Variants in FBXO22 observed in about 807,000 individuals in gnomAD.
FBXO22 encodes the protein F-box protein 22.
FBXO22 carries 13 observed loss-of-function variants against 37.2 expected under a neutral mutation model. The observed-to-expected ratio is 0.35, with a 90% CI of 0.23 to 0.56. FBXO22 has a LOEUF of 0.56. Among genes scored for constraint, FBXO22 ranks in the 20% least tolerant of loss-of-function variants. The pLI, the probability that FBXO22 is intolerant of heterozygous loss-of-function variation, is 0.87. For synonymous variants in FBXO22, 189 were observed against 189.1 expected (o/e 1.00, Z 0.00); for missense variants, 446 against 509.9 (o/e 0.87, Z 1.21).
At chr15:75,926,654 C>A (rs113692448) in intron 5 of FBXO22, among the ~76,000 whole-genome samples, 1 of 152,044 alleles carries the variant, frequency 6.6e-6, no homozygotes. Flanking sequence ...AGGGCGTATC[C>A]GGGAAAAACA....
rs573933261 is a variant in FBXO22 at position 75,912,914 on chromosome 15, T to G, written c.280-289T>G. ...CCTGTGTGCATTTAGTGCTATAAAT[T>G]TCCCTGTAAACACTGCTTTAGCTGT... is the stretch of plus-strand genomic sequence containing the variant. On this transcript the variant is annotated intron_variant, in intron 2 of 6. Coordinates refer to ENST00000308275, the MANE Select transcript of FBXO22 (RefSeq NM_147188.3). Among the ~76,000 whole-genome samples, 17 of 152,346 alleles carry G rather than the reference T, an allele frequency of 1.1e-4. No individual in the cohort carries two copies. The South Asian group carries it at 3.5e-3, about 32-fold the overall frequency.
In FBXO22 at chr15:75,938,257, T is replaced by C. The variant is rs1251683566; in HGVS notation, c.*5155T>C. 1 of 151,944 alleles carries C rather than the reference T, an allele frequency of 6.6e-6. No homozygotes were observed. The allele number at this position is 151,944 out of a possible 1,614,324, so 9.4% of individuals were successfully genotyped here. A position where few individuals can be genotyped will look rare whatever the true frequency, so the allele number is the denominator to read the frequency against. On this transcript the variant is annotated 3_prime_UTR_variant, in exon 7 of 7. Coordinates refer to ENST00000308275, the MANE Select transcript of FBXO22 (RefSeq NM_147188.3). ...TTTATAAAAATAATTTGGAAAACTC[T>C]CAAAACAAATGGATGACAGCTTTTA...
At chr15:75,909,314 A>G (rs1436803964) in intron 2 of FBXO22, among the ~76,000 whole-genome samples, 2 of 152,204 alleles carry the variant, frequency 1.3e-5, no homozygotes, top group Non-Finnish European at 2.9e-5. Context: ...AGGTGTCTCT[A>G]GAGGGAAACA....
rs1027776734 is a variant in FBXO22 at position 75,935,121 on chromosome 15, A to AAGTC, written c.*2021_*2024dup. The AAGTC allele has an allele frequency of 2.0e-5, 3 of 152,198 alleles. No homozygotes were observed. The highest frequency in any genetic ancestry group is 4.8e-5 in the African/African-American group (2 of 41,448). 9.4% of individuals were successfully genotyped at this position (152,198 alleles called of 1,614,324 possible). On this transcript the variant is annotated 3_prime_UTR_variant, in exon 7 of 7. Coordinates refer to ENST00000308275, the MANE Select transcript of FBXO22 (RefSeq NM_147188.3). ...ACAATAGTAGTATTGATAAGAACAA[A>AAGTC]AGTCATCCTCCCTGCCTCTCAGAGG...
At position 75,925,994 on chromosome 15, in the gene FBXO22, T is replaced by A. The variant is rs1256599858; in HGVS notation, c.629-3890T>A. 2.0e-5 allele frequency among the ~76,000 whole-genome samples: 3 copies of A among 152,226 alleles called. No homozygotes were observed. The East Asian group carries it at 5.8e-4, about 29-fold the overall frequency. ...TAGTTAACTTGATTATAGTTGCCAA[T>A]CCTACATGGCAGGTCAGTTTATCCT... is the stretch of plus-strand genomic sequence containing the variant. On this transcript the variant is annotated intron_variant, in intron 5 of 6. Transcript: ENST00000308275.
At chr15:75,927,108 C>G (rs115828439) in intron 5 of FBXO22, among the ~76,000 whole-genome samples, 2 of 151,992 alleles carry the variant, frequency 1.3e-5, no homozygotes, top group Non-Finnish European at 2.9e-5. Context: ...CTTTCCTGGT[C>G]GGGGGGAGGG....
At chr15:75,905,308 C>T (rs533962949) in intron 2 of FBXO22, among the ~76,000 whole-genome samples, 1 of 152,300 alleles carries the variant, frequency 6.6e-6, no homozygotes, top group Admixed American at 6.5e-5. Context: ...AATATTTCAA[C>T]TTCTGATCCT....
intron 5 of FBXO22, among the ~76,000 whole-genome samples, chr15:75,918,238 A>G (rs1404548041): frequency 1.3e-5 from 2 of 152,136 alleles, no homozygotes; most frequent in Non-Finnish European, 2.9e-5. Context: ...TGTAGCAGCA[A>G]AGGTAAAATT....
intron 1 of FBXO22, 22 bp downstream of exon 1, chr15:75,904,125 G>C (rs1359121360): frequency 6.6e-7 from 1 of 1,526,052 alleles, no homozygotes; most frequent in South Asian, 1.2e-5. Context: ...AGGCGGAGGC[G>C]GGAAGCTTGC....
chr15:75,933,766 G>A lies in FBXO22; in HGVS notation c.*664G>A. On this transcript the variant is annotated 3_prime_UTR_variant, in exon 7 of 7. Coordinates refer to ENST00000308275, the MANE Select transcript of FBXO22 (RefSeq NM_147188.3). ...GGTCTAAATAGCTAACTAACTGGTA[G>A]ACCAGAGTATTACATCATCTTATTT... The A allele has an allele frequency of 3.3e-6, 1 of 307,690 alleles. No homozygotes were observed. The highest frequency in any genetic ancestry group is 2.7e-5 in the South Asian group (1 of 36,826). 19.1% of individuals were successfully genotyped at this position (307,690 alleles called of 1,614,324 possible).
At chr15:75,912,935 G>T (rs556458472) in intron 2 of FBXO22, among the ~76,000 whole-genome samples, 2 of 152,238 alleles carry the variant, frequency 1.3e-5, no homozygotes, top group Admixed American at 1.3e-4. Flanking sequence ...CACTGCTTTA[G>T]CTGTGTCCCA....
chr15:75,922,182 A>G (rs1009649095), intron 5 of FBXO22, among the ~76,000 whole-genome samples: 1 of 152,240 alleles, frequency 6.6e-6, no homozygotes, highest in African/African-American at 2.4e-5. Context: ...ATCACCACAG[A>G]CATTTGAGTA....
At position 75,937,107 on chromosome 15, in the gene FBXO22, CT is replaced by C. The variant is rs2030420512; in HGVS notation, c.*4007del. 6.6e-6 allele frequency: 1 copy of C among 151,580 alleles called. No homozygotes were observed. The highest frequency in any genetic ancestry group is 2.4e-5 in the African/African-American group (1 of 41,216). 9.4% of individuals were successfully genotyped at this position (151,580 alleles called of 1,614,324 possible). A position where few individuals can be genotyped will look rare whatever the true frequency, so the allele number is the denominator to read the frequency against. On this transcript the variant is annotated 3_prime_UTR_variant, in exon 7 of 7. Transcript: ENST00000308275. ...TTAATAAACATACTCTATTCAAGGT[CT>C]TGTAATAAAATTATAGGGAGGAATA...
chr15:75,905,462 A>G (rs1299076375), intron 2 of FBXO22: 3 of 152,226 alleles, frequency 2.0e-5, no homozygotes, highest in Non-Finnish European at 2.9e-5. Context: ...TAAAGTGCCA[A>G]CCTGCTGCTC....
intron 5 of FBXO22, among the ~76,000 whole-genome samples, chr15:75,924,349 T>C (rs1200005592): frequency 6.6e-6 from 1 of 152,202 alleles, no homozygotes; most frequent in East Asian, 1.9e-4. Flanking sequence ...TCAGTAAGGA[T>C]CTCCTTGAGC....
intron 6 of FBXO22, among the ~76,000 whole-genome samples, chr15:75,931,505 G>A (rs1371136464): frequency 6.6e-6 from 1 of 152,230 alleles, no homozygotes; most frequent in African/African-American, 2.4e-5. Flanking sequence ...AAAGTTTTAA[G>A]AGCAGCAGAG....
At chr15:75,908,918 A>T (rs763578385) in intron 2 of FBXO22, among the ~76,000 whole-genome samples, 1 of 152,188 alleles carries the variant, frequency 6.6e-6, no homozygotes, top group Non-Finnish European at 1.5e-5. Flanking sequence ...CCATCATGCT[A>T]TCTGTCTCTT....
chr15:75,933,024 T>C lies in FBXO22; in HGVS notation c.1134T>C (p.Cys378=). Reference sequence around the variant, plus strand: ...CTGGGAACTTTATATTGAGGAAATGTAATGAGGTAAAAGATGATGATCTGT... The same window carrying C: ...CTGGGAACTTTATATTGAGGAAATGCAATGAGGTAAAAGATGATGATCTGT... The part of the protein sequence containing the change: ...IVTGNFILRK[C]NEVKDDDLFH... Residue 378 remains cysteine (C), a synonymous_variant, in exon 7 of 7, where the codon TGT becomes TGC. Coordinates refer to ENST00000308275, the MANE Select transcript of FBXO22 (RefSeq NM_147188.3). The C allele has an allele frequency of 6.2e-7, 1 of 1,614,170 alleles. No homozygotes were observed.
chr15:75,932,687 A>T lies in FBXO22; in HGVS notation c.797A>T (p.Asn266Ile), dbSNP rs760297427. The T allele has an allele frequency of 3.8e-6, 6 of 1,567,386 alleles. No individual in the cohort carries two copies. The East Asian group carries it at 9.0e-5, about 24-fold the overall frequency. ...DNLSSLTSEKNPLDIDASGVV... is the reference protein window; with the variant it reads ...DNLSSLTSEKIPLDIDASGVV... Reference sequence around the variant, plus strand: ...TGCCACTTTTCTAAATTTTCCAGGAACCCTCTGGATATTGATGCCTCGGGT... The same window carrying T: ...TGCCACTTTTCTAAATTTTCCAGGATCCCTCTGGATATTGATGCCTCGGGT... The change falls in exon 7 of 7, where the codon AAC becomes ATC. Residue 266 changes from asparagine (N) to isoleucine (I), a missense_variant and splice_region_variant. This residue lies in a region of FBXO22 where 315 missense variants were observed against 410.1 expected (regional missense o/e 0.77). Coordinates refer to ENST00000308275, the MANE Select transcript of FBXO22 (RefSeq NM_147188.3).
Sources: allele counts gnomAD v4.1 joint callset (sites outside exome capture counted in the v4.1 genomes callset), GRCh38; gene constraint gnomAD v4.1.1; regional missense constraint gnomAD v4.1.1; transcripts MANE v1.5; gene names NCBI Gene and HGNC (gene_info 2026-07-23, HGNC 2026-07-21).